Variants in PPM1F observed in about 807,000 individuals in gnomAD.
PPM1F encodes protein phosphatase 1F.
A neutral mutation model predicts 35.5 loss-of-function variants in PPM1F; 17 were observed. The observed-to-expected ratio is 0.48, with a 90% confidence interval of 0.33 to 0.72. The LOEUF is 0.72. Among genes scored for constraint, PPM1F ranks in the 30% least tolerant of loss-of-function variants. The pLI is 0.02. For synonymous variants in PPM1F, 241 were observed against 255.5 expected (o/e 0.94, Z 0.54); for missense variants, 521 against 613.0 (o/e 0.85, Z 1.59).
rs776741143 is a variant in PPM1F at position 21,945,829 on chromosome 22, G to A, written c.206+14C>T. The A allele has an allele frequency of 3.7e-6, 6 of 1,605,144 alleles. No homozygotes were observed. On this transcript the variant is annotated intron_variant, in intron 2 of 7. Transcript: ENST00000263212. ...CCCTTACTCCCCGTCCCCTTTGGGG[G>A]TGCACAGGCCTACCTGCTGCCCAGA... is the stretch of plus-strand genomic sequence containing the variant.
chr22:21,934,099 G>A lies in PPM1F; in HGVS notation c.483C>T (p.Ala161=), dbSNP rs140881529. 2.6e-4 allele frequency: 403 copies of A among 1,563,602 alleles called. No individual in the cohort carries two copies. The African/African-American group carries it at 3.4e-3, about 13-fold the overall frequency. Residue 161 remains alanine (A), a synonymous_variant, in exon 4 of 8, where the codon GCC becomes GCT. Coordinates refer to ENST00000263212, the MANE Select transcript of PPM1F (RefSeq NM_014634.4). ...CCATCTTGCGGCGAGTGTTCCGGATGGCGTGGATGGAGACCAGCCACTGCC... is the reference window on the plus strand; with the variant it reads ...CCATCTTGCGGCGAGTGTTCCGGATAGCGTGGATGGAGACCAGCCACTGCC... ...SQRQWLVSIH[A]IRNTRRKMED...
At chr22:21,941,543 G>C (rs1432707781) in intron 2 of PPM1F, 1 of 152,400 alleles carries the variant, frequency 6.6e-6, no homozygotes, top group Admixed American at 6.5e-5. Flanking sequence ...CGGAGGTCAA[G>C]AGGCCTGAGG....
chr22:21,925,683 T>C (rs768233735), intron 6 of PPM1F, 21 bp from the exon 7 acceptor site: 11 of 1,560,282 alleles, frequency 7.1e-6, no homozygotes, highest in Non-Finnish European at 7.9e-6. Flanking sequence ...ACAGCCAGAG[T>C]TGGGGGCAGG....
intron 6 of PPM1F, among the ~76,000 whole-genome samples, chr22:21,928,249 G>A (rs1046422737): frequency 3.9e-5 from 6 of 152,066 alleles, no homozygotes; most frequent in Admixed American, 3.3e-4. Context: ...CGGCCAGGCC[G>A]CAGCAGCGTC....
chr22:21,934,502 A>G (rs933678597), intron 3 of PPM1F: 8 of 445,046 alleles, frequency 1.8e-5, no homozygotes, highest in African/African-American at 1.6e-4. Context: ...CACAAAAATA[A>G]TTTTAAAGAC....
At chr22:21,942,991 A>G in intron 2 of PPM1F, 1 of 152,250 alleles carries the variant, frequency 6.6e-6, no homozygotes, top group Non-Finnish European at 1.5e-5. Flanking sequence ...ACCACACTCA[A>G]ATCATTAGTG....
chr22:21,932,972 G>A (rs566058069), intron 5 of PPM1F, among the ~76,000 whole-genome samples: 4 of 152,234 alleles, frequency 2.6e-5, no homozygotes, highest in Admixed American at 1.3e-4. Context: ...TTCTCTCTGC[G>A]CCCCGACTAC....
In PPM1F at chr22:21,923,157, C is replaced by A; in HGVS notation, c.1300G>T (p.Gly434Trp). The A allele has an allele frequency of 3.7e-6, 6 of 1,613,698 alleles. No homozygotes were observed. Among genetic ancestry groups the A allele is most frequent in the Non-Finnish European group, 5.1e-6 (6 of 1,179,956 alleles). ...CTGGAGGGCAAGTCCTGCCTCCTCC[C>A]TTCTGCCTGGGGGTCCCCTTCTCCC... ...NQGEGDPQAEGRRQDLPSSLP... is the reference protein window; with the variant it reads ...NQGEGDPQAEWRRQDLPSSLP... Residue 434 changes from glycine (G) to tryptophan (W), a missense_variant, in exon 8 of 8, where the codon GGG (glycine) becomes TGG (tryptophan). Gly to Trp is a radical substitution (Grantham distance 184). Coordinates refer to ENST00000263212, the MANE Select transcript of PPM1F (RefSeq NM_014634.4).
rs1371798684 is a variant in PPM1F at position 21,934,171 on chromosome 22, G to A, written c.411C>T (p.Ala137=). 8.9e-6 allele frequency: 14 copies of A among 1,578,690 alleles called. No individual in the cohort carries two copies. The highest frequency in any genetic ancestry group is 5.8e-5 in the South Asian group (5 of 86,324). The change falls in exon 4 of 8, where the codon GCC becomes GCT. Residue 137 remains alanine, a synonymous_variant. Transcript: ENST00000263212. ...QSFFNRLWEV[A]GQWQKQVPLA... The stretch of plus-strand genomic sequence containing the variant: ...ATGGCACCTGCTTCTGCCACTGGCC[G>A]GCGACTTCCCAAAGGCGGTTAAAGA...
In PPM1F at chr22:21,923,094, A is replaced by G; in HGVS notation, c.1363T>C (p.Ter455GlnextTer200). The change falls in exon 8 of 8, where the codon TAG becomes CAG. Residue 455 changes from the stop codon to glutamine, a stop_lost. Transcript: ENST00000263212. ...GAGGGCAGGGGCCTGGAAACCACCT[A>G]GCTTCTTGGTGGAGCCTGGGTCTCA... ...EPETQAPPRS* is the reference protein window; with the variant it reads ...EPETQAPPRSQ The G allele has an allele frequency of 1.3e-6, 2 of 1,598,324 alleles. No individual in the cohort carries two copies. The highest frequency in any genetic ancestry group is 1.7e-6 in the Non-Finnish European group (2 of 1,173,042).
At position 21,925,621 on chromosome 22, in the gene PPM1F, A is replaced by C; in HGVS notation, c.933T>G (p.Ser311=). The C allele has an allele frequency of 1.2e-6, 2 of 1,606,526 alleles. No homozygotes were observed. Among genetic ancestry groups the C allele is most frequent in the African/African-American group, 2.7e-5 (2 of 74,834 alleles). The change falls in exon 7 of 8, where the codon TCT becomes TCG. Residue 311 remains serine (S), a synonymous_variant. Transcript: ENST00000263212. ...ARIEALGGFV[S]HMDCWRVNGT... ...CGTTGACTCTCCAGCAGTCCATGTG[A>C]GACACAAAGCCACCCAATGCTTCAA...
chr22:21,939,719 C>A lies in PPM1F; in HGVS notation c.207-39G>T. ...GGGGGAAGTGAGGGGCAGCCCCCAG[C>A]AGGAGACCACACCTAGCCCCCCTTC... On this transcript the variant is annotated intron_variant, in intron 2 of 7. Transcript: ENST00000263212. This position sits in a 1 kb window ranked among gnomAD's most constrained non-coding sequence, Gnocchi z 5.1. 6.5e-7 allele frequency: 1 copy of A among 1,549,464 alleles called. No individual in the cohort carries two copies. The highest frequency in any genetic ancestry group is 8.7e-7 in the Non-Finnish European group (1 of 1,145,860).
At chr22:21,926,748 C>A (rs754709126) in intron 6 of PPM1F, among the ~76,000 whole-genome samples, 1 of 152,184 alleles carries the variant, frequency 6.6e-6, no homozygotes, top group East Asian at 1.9e-4. Flanking sequence ...CTTGACCCCA[C>A]GCAGCACCAG....
At chr22:21,933,868 G>A (rs1194174047) in intron 4 of PPM1F, among the ~76,000 whole-genome samples, 156 bp downstream of exon 4, 1 of 152,184 alleles carries the variant, frequency 6.6e-6, no homozygotes, top group African/African-American at 2.4e-5. Flanking sequence ...GACTCACACT[G>A]TTGCCCTTCT....
At chr22:21,935,626 T>C (rs2084655989) in intron 3 of PPM1F, 3 of 152,156 alleles carry the variant, frequency 2.0e-5, no homozygotes, top group Admixed American at 2.0e-4. Flanking sequence ...CCCAGCACTT[T>C]GAGAGGCTGA....
At chr22:21,928,353 C>T (rs1371843396) in intron 6 of PPM1F, among the ~76,000 whole-genome samples, 1 of 152,186 alleles carries the variant, frequency 6.6e-6, no homozygotes, top group Non-Finnish European at 1.5e-5. Flanking sequence ...GGCTGCCTGC[C>T]AGGCGTGCCA....
In PPM1F at chr22:21,931,193, C is replaced by T. The variant is rs1156575961; in HGVS notation, c.846G>A (p.Gln282=). 6.2e-7 allele frequency: 1 copy of T among 1,614,084 alleles called. No homozygotes were observed. The highest frequency in any genetic ancestry group is 1.3e-5 in the African/African-American group (1 of 74,944). Residue 282 remains glutamine, a synonymous_variant, in exon 6 of 8, where the codon CAG becomes CAA. Coordinates refer to ENST00000263212, the MANE Select transcript of PPM1F (RefSeq NM_014634.4). The part of the protein sequence containing the change: ...LGDSQVILVQ[Q]GQVVKLMEPH... ...GCTCCATCAGCTTCACCACCTGTCC[C>T]TGCTGTACCAAAATGACCTGGGAAT...
chr22:21,925,985 G>T, intron 6 of PPM1F: 1 of 308,502 alleles, frequency 3.2e-6, no homozygotes, highest in Non-Finnish European at 6.0e-6. Context: ...GACACAGACA[G>T]CAGATCCTTC....
intron 1 of PPM1F, chr22:21,951,093 T>C (rs2070831983): frequency 6.6e-6 from 1 of 152,178 alleles, no homozygotes; most frequent in Non-Finnish European, 1.5e-5. Flanking sequence ...TACAGTTCCA[T>C]GGCATTAAGC....
Sources: allele counts gnomAD v4.1 joint callset (sites outside exome capture counted in the v4.1 genomes callset), GRCh38; gene constraint gnomAD v4.1.1; non-coding constraint Gnocchi (gnomAD v3.1); transcripts MANE v1.5; gene names NCBI Gene and HGNC (gene_info 2026-07-23, HGNC 2026-07-21).